SLC24A3: variants seen among roughly 807,000 people sequenced by gnomAD.
The protein encoded by SLC24A3 is solute carrier family 24 member 3, also known as sodium/potassium/calcium exchanger 3.
In SLC24A3, 28 loss-of-function variants were observed where a neutral mutation model predicts 75.8. The observed-to-expected ratio is 0.37, with a 90% confidence interval of 0.27 to 0.51. The LOEUF is 0.51. Ranked by LOEUF, SLC24A3 falls within the 20% of genes least tolerant of loss-of-function variation. The pLI, the probability that SLC24A3 is intolerant of heterozygous loss-of-function variation, is 0.94. For missense variants in SLC24A3, 663 were observed against 847.8 expected, an observed-to-expected ratio of 0.78 and a Z score of 2.71; for synonymous variants, 372 against 334.1, an observed-to-expected ratio of 1.11 and a Z score of -1.24.
chr20:19,504,219 T>C (rs58228114), intron 2 of SLC24A3, among the ~76,000 whole-genome samples: 1,811 of 152,260 alleles, frequency 0.012, 44 homozygotes, highest in African/African-American at 0.042. Flanking sequence ...AAAGGGCAGT[T>C]TTTAAGAGGG....
intron 2 of SLC24A3, among the ~76,000 whole-genome samples, chr20:19,460,801 G>A (rs1987657576): frequency 6.6e-6 from 1 of 152,098 alleles, no homozygotes; most frequent in Admixed American, 6.5e-5. Context: ...TCTCCTCTTT[G>A]TAAGTCTATT....
chr20:19,565,557 C>T (rs575322095), intron 3 of SLC24A3, among the ~76,000 whole-genome samples: 2 of 152,286 alleles, frequency 1.3e-5, no homozygotes, highest in East Asian at 3.9e-4. Context: ...TTGGCTGCTG[C>T]TTCTTCCTTG....
intron 6 of SLC24A3, among the ~76,000 whole-genome samples, chr20:19,644,677 T>C (rs2032114388): frequency 6.6e-6 from 1 of 152,212 alleles, no homozygotes; most frequent in Non-Finnish European, 1.5e-5. Flanking sequence ...AATCAAAATC[T>C]ACAGATAACC....
At chr20:19,550,794 AG>A (rs2030681071) in intron 3 of SLC24A3, among the ~76,000 whole-genome samples, 1 of 152,234 alleles carries the variant, frequency 6.6e-6, no homozygotes, top group South Asian at 2.1e-4. Context: ...AGAAATGTAA[AG>A]CCAGGCAGTA....
chr20:19,407,569 A>G (rs961730465), intron 2 of SLC24A3, among the ~76,000 whole-genome samples: 2 of 152,244 alleles, frequency 1.3e-5, no homozygotes, highest in Non-Finnish European at 2.9e-5. Flanking sequence ...TGGAGAATAA[A>G]TGAATCACGG....
intron 2 of SLC24A3, among the ~76,000 whole-genome samples, chr20:19,490,649 A>C (rs1014583927): frequency 6.6e-6 from 1 of 152,128 alleles, no homozygotes; most frequent in Non-Finnish European, 1.5e-5. Flanking sequence ...TGCCAAAGAC[A>C]CTCTAGTGTT....
chr20:19,262,230 C>T (rs1275169020), intron 1 of SLC24A3, among the ~76,000 whole-genome samples: 17 of 151,034 alleles, frequency 1.1e-4, no homozygotes, highest in African/African-American at 2.4e-4. Context: ...AGTGAAACCC[C>T]GTCTCTACTA....
chr20:19,658,969 G>A (rs34272130), intron 7 of SLC24A3, among the ~76,000 whole-genome samples: 9 of 152,182 alleles, frequency 5.9e-5, no homozygotes, highest in Non-Finnish European at 8.8e-5. Flanking sequence ...ACATAATGAG[G>A]TAATTTACAT....
At chr20:19,267,840 T>A (rs1485974111) in intron 1 of SLC24A3, among the ~76,000 whole-genome samples, 1 of 152,206 alleles carries the variant, frequency 6.6e-6, no homozygotes, top group Non-Finnish European at 1.5e-5. Flanking sequence ...GTGTGTTTTC[T>A]GAAAATATCC....
At chr20:19,678,377 G>T (rs1242581107) in intron 9 of SLC24A3, among the ~76,000 whole-genome samples, 2 of 128,966 alleles carry the variant, frequency 1.6e-5, no homozygotes, top group Admixed American at 7.2e-5. Context: ...GCGGCTGGCC[G>T]GGCAGAGGGG....
intron 6 of SLC24A3, among the ~76,000 whole-genome samples, chr20:19,643,763 A>G (rs1266030419): frequency 6.6e-6 from 1 of 152,214 alleles, no homozygotes; most frequent in East Asian, 1.9e-4. Flanking sequence ...CTTCAAATGT[A>G]ATGTTGAGTG....
chr20:19,621,570 T>A (rs1447532271), intron 6 of SLC24A3, among the ~76,000 whole-genome samples: 1 of 152,216 alleles, frequency 6.6e-6, no homozygotes, highest in Non-Finnish European at 1.5e-5. Flanking sequence ...CTTAGGTATG[T>A]CCCTGGTATC....
At chr20:19,224,002 A>G (rs1412035897) in intron 1 of SLC24A3, among the ~76,000 whole-genome samples, 2 of 152,198 alleles carry the variant, frequency 1.3e-5, no homozygotes, top group African/African-American at 2.4e-5. Context: ...GGTATTGCTT[A>G]CTTCTGGGTT....
At chr20:19,355,812 C>T (rs60197630) in intron 2 of SLC24A3, among the ~76,000 whole-genome samples, 2 of 152,026 alleles carry the variant, frequency 1.3e-5, no homozygotes, top group African/African-American at 4.8e-5. Context: ...TTTTGAGATG[C>T]CTGCTACATT....
chr20:19,609,648 A>G (rs1017272938), intron 6 of SLC24A3, among the ~76,000 whole-genome samples: 1 of 152,218 alleles, frequency 6.6e-6, no homozygotes, highest in Admixed American at 6.5e-5. Flanking sequence ...TAAATTTTTA[A>G]GAAAACATTA....
intron 2 of SLC24A3, among the ~76,000 whole-genome samples, chr20:19,334,325 G>T (rs1344326439): frequency 6.6e-6 from 1 of 151,816 alleles, no homozygotes; most frequent in African/African-American, 2.4e-5. Flanking sequence ...ATTCAAAAGT[G>T]GGTTTGGTAA....
chr20:19,255,697 A>G (rs1982794187), intron 1 of SLC24A3, among the ~76,000 whole-genome samples: 1 of 152,250 alleles, frequency 6.6e-6, no homozygotes, highest in Non-Finnish European at 1.5e-5. Flanking sequence ...CACACATGGC[A>G]ACCGAGCACT....
In SLC24A3 at chr20:19,583,097, A is replaced by T. The variant is rs564245612; in HGVS notation, c.424-1874A>T. 3.1e-3 allele frequency among the ~76,000 whole-genome samples: 475 copies of T among 152,264 alleles called. 2 individuals are homozygous for T. The highest frequency in any genetic ancestry group is 5.5e-3 in the Non-Finnish European group (376 of 68,022). On this transcript the variant is annotated intron_variant, in intron 4 of 16. Coordinates refer to ENST00000328041, the MANE Select transcript of SLC24A3 (RefSeq NM_020689.4). ...AACTAGATCACACACAGCATGTCCC[A>T]TCCCATCCCAGGGCTCCTAGCTGCA...
At chr20:19,595,242 G>A (rs1327970684) in intron 6 of SLC24A3, among the ~76,000 whole-genome samples, 1 of 152,180 alleles carries the variant, frequency 6.6e-6, no homozygotes, top group East Asian at 1.9e-4. Context: ...GAATCACTGT[G>A]CTAGGCTGTG....
Sources: allele counts gnomAD v4.1 joint callset (sites outside exome capture counted in the v4.1 genomes callset), GRCh38; gene constraint gnomAD v4.1.1; transcripts MANE v1.5; gene names NCBI Gene and HGNC (gene_info 2026-07-23, HGNC 2026-07-21).